TECPR1: variants seen among roughly 807,000 people sequenced by gnomAD.
TECPR1 encodes the protein tectonin beta-propeller repeat containing 1.
A neutral mutation model predicts 162.4 loss-of-function variants in TECPR1; 122 were observed. The observed-to-expected ratio is 0.75, with a 90% CI of 0.65 to 0.87. The LOEUF (loss-of-function observed/expected upper bound fraction) is 0.87. Ranked by LOEUF, TECPR1 falls within the 40% of genes least tolerant of loss-of-function variation. The probability of loss-of-function intolerance (pLI) is 0.00; values close to 1 mark genes in which losing one functional copy is unlikely to be tolerated. For synonymous variants in TECPR1, 642 were observed against 670.6 expected, an observed-to-expected ratio of 0.96 and a Z score of 0.66; for missense variants, 1,432 against 1,618.2, an observed-to-expected ratio of 0.88 and a Z score of 1.97.
chr7:98,243,675 C>A, intron 5 of TECPR1, 83 bp from the exon 6 acceptor site: 1 of 1,502,162 alleles, frequency 6.7e-7, no homozygotes, highest in East Asian at 2.3e-5. Context: ...CGCCTGCCAT[C>A]CGGACTTCCA....
Position 98,246,068 on chromosome 7 carries a change from T to C in TECPR1, c.79A>G (p.Met27Val). The change falls in exon 3 of 26, where the codon ATG (methionine) becomes GTG (valine). Residue 27 changes from methionine to valine, a missense_variant. Physicochemically the swap from Met to Val is conservative, Grantham distance 21 (BLOSUM62 1). Transcript: ENST00000447648. ...TLSTAGQYWE[M>V]CKDSQLEFKR... Reference sequence around the variant, plus strand: ...AACTCCAGCTGGGAGTCCTTGCACATTTCCCAGTACTGGCCTGCTGTGGAC... The same window carrying C: ...AACTCCAGCTGGGAGTCCTTGCACACTTCCCAGTACTGGCCTGCTGTGGAC... 2 of 1,570,360 alleles carry C rather than the reference T, an allele frequency of 1.3e-6. No homozygotes were observed. The highest frequency in any genetic ancestry group is 2.3e-5 in the South Asian group (2 of 85,516).
intron 19 of TECPR1, among the ~76,000 whole-genome samples, chr7:98,224,461 C>T (rs1168165532): frequency 6.6e-6 from 1 of 152,224 alleles, no homozygotes; most frequent in African/African-American, 2.4e-5. Context: ...CTCCTCAAGC[C>T]CCTCAGTCTG....
intron 23 of TECPR1, among the ~76,000 whole-genome samples, chr7:98,221,363 G>C (rs892016786): frequency 6.6e-6 from 1 of 152,118 alleles, no homozygotes; most frequent in African/African-American, 2.4e-5. Context: ...GTAACATAAA[G>C]GCTTGAGGAG....
intron 21 of TECPR1, 79 bp downstream of exon 21, chr7:98,222,911 C>A: frequency 6.4e-7 from 1 of 1,559,028 alleles, no homozygotes; most frequent in Admixed American, 1.8e-5. Flanking sequence ...GGGGCTTGTC[C>A]TGAGCAGGGT....
At chr7:98,243,840 C>T (rs575108630) in intron 5 of TECPR1, among the ~76,000 whole-genome samples, 4 of 152,338 alleles carry the variant, frequency 2.6e-5, no homozygotes, top group South Asian at 2.1e-4. Context: ...AAGTGATCCA[C>T]CTGCCTTGGC....
rs1584316412 is a variant in TECPR1 at position 98,216,943 on chromosome 7, C to T, written c.*447G>A. ...GGTCACTGCACATGGTAAAGAGGCC[C>T]TGAGCCCCATGGCCATCTCTCTTGG... On this transcript the variant is annotated 3_prime_UTR_variant, in exon 26 of 26. Transcript: ENST00000447648. The T allele has an allele frequency of 5.9e-6, 1 of 168,746 alleles. No individual in the cohort carries two copies. Among genetic ancestry groups the T allele is most frequent in the African/African-American group, 2.4e-5 (1 of 41,848 alleles). 10.5% of individuals were successfully genotyped at this position (168,746 alleles called of 1,614,324 possible).
rs1208223081 is a variant in TECPR1 at position 98,217,927 on chromosome 7, C to T, written c.3264+9G>A. 2 of 1,551,482 alleles carry T rather than the reference C, an allele frequency of 1.3e-6. No homozygotes were observed. The highest frequency in any genetic ancestry group is 1.7e-6 in the Non-Finnish European group (2 of 1,147,324). ...CCCCAAGTGCCCGATACCCCCTGAG[C>T]ACCCCCACCTGGTCCAGGGGCCCCA... On this transcript the variant is annotated intron_variant, in intron 24 of 25. Transcript: ENST00000447648.
intron 19 of TECPR1, 128 bp downstream of exon 19, chr7:98,224,673 G>C: frequency 1.1e-6 from 1 of 889,194 alleles, no homozygotes; most frequent in Non-Finnish European, 1.7e-6. Flanking sequence ...TGGCACCAGG[G>C]GTCTGCTCCT....
intron 6 of TECPR1, 23 bp downstream of exon 6, chr7:98,243,444 G>A (rs1798821721): frequency 1.2e-6 from 2 of 1,610,980 alleles, no homozygotes. Context: ...GGGAGCCAGG[G>A]CAGGGAGAGG....
At chr7:98,243,652 C>A in intron 5 of TECPR1, 60 bp from the exon 6 acceptor site, 2 of 1,561,970 alleles carry the variant, frequency 1.3e-6, no homozygotes, top group South Asian at 2.3e-5. Context: ...TGGGCATGCA[C>A]CCACCTCCCG....
intron 23 of TECPR1, among the ~76,000 whole-genome samples, chr7:98,219,828 G>T (rs1798100047): frequency 6.6e-6 from 1 of 151,952 alleles, no homozygotes; most frequent in Non-Finnish European, 1.5e-5. Context: ...TTGAACCTGG[G>T]AGGCAGAGGT....
chr7:98,220,897 G>A (rs990266928), intron 23 of TECPR1, among the ~76,000 whole-genome samples: 1 of 147,180 alleles, frequency 6.8e-6, no homozygotes, highest in Non-Finnish European at 1.5e-5. Context: ...CACTAAGTTG[G>A]CCAGGCTGGT....
At position 98,224,798 on chromosome 7, in the gene TECPR1, T is replaced by C. The variant is rs1192311108; in HGVS notation, c.2690+3A>G. 4 of 1,579,266 alleles carry C rather than the reference T, an allele frequency of 2.5e-6. No homozygotes were observed. The highest frequency in any genetic ancestry group is 4.7e-5 in the East Asian group (2 of 42,968). The stretch of plus-strand genomic sequence containing the variant: ...CGAAGGCCCTGTGCAGGGAGAGGCT[T>C]ACGCAGGGAAGTCGCTGGCATACTG... On this transcript the variant is annotated splice_donor_region_variant and intron_variant, in intron 19 of 25. Transcript: ENST00000447648.
At chr7:98,224,546 G>A (rs1463892103) in intron 19 of TECPR1, among the ~76,000 whole-genome samples, 1 of 152,196 alleles carries the variant, frequency 6.6e-6, no homozygotes, top group Non-Finnish European at 1.5e-5. Context: ...GCGTGGGGGA[G>A]CCATGGTGCT....
At position 98,246,044 on chromosome 7, in the gene TECPR1, A is replaced by T; in HGVS notation, c.103T>A (p.Phe35Ile). The T allele has an allele frequency of 1.3e-6, 2 of 1,582,716 alleles. No individual in the cohort carries two copies. Residue 35 changes from phenylalanine to isoleucine, a missense_variant, in exon 3 of 26, where the codon TTC (phenylalanine) becomes ATC (isoleucine). Phe to Ile is a conservative substitution (Grantham distance 21). Transcript: ENST00000447648. ...WEMCKDSQLE[F>I]KRVSATTQCC... ...TGCGTGGTGGCGCTGACGCGCTTGA[A>T]CTCCAGCTGGGAGTCCTTGCACATT...
rs1044443525 is a variant in TECPR1 at position 98,232,808 on chromosome 7, C to T, written c.1818+19G>A. The T allele has an allele frequency of 3.2e-6, 5 of 1,539,138 alleles. No individual in the cohort carries two copies. Among genetic ancestry groups the T allele is most frequent in the Non-Finnish European group, 3.5e-6 (4 of 1,147,084 alleles). On this transcript the variant is annotated intron_variant, in intron 12 of 25. Coordinates refer to ENST00000447648, the MANE Select transcript of TECPR1 (RefSeq NM_015395.3). The surrounding 1 kb of genome is among the most constrained non-coding windows in gnomAD (Gnocchi z 4.6). Reference sequence around the variant, plus strand: ...TGGAAAAAAAAAAAAAATGCATGCGCAGCCACCGGGGCACCCACCTGCTCC... The same window carrying T: ...TGGAAAAAAAAAAAAAATGCATGCGTAGCCACCGGGGCACCCACCTGCTCC...
Position 98,236,891 on chromosome 7 carries a change from C to T in TECPR1, c.1066G>A (p.Val356Met), listed in dbSNP as rs758181757. The change falls in exon 10 of 26, where the codon GTG (valine) becomes ATG (methionine). Residue 356 changes from valine (V) to methionine (M), a missense_variant. By Grantham distance (21) the Val-to-Met change is conservative (BLOSUM62 1). Transcript: ENST00000447648. The part of the protein sequence containing the change: ...VWGIGCEDRA[V>M]YFRQGVTPSE... ...GGGGTGACACCCTGCCGGAAGTACA[C>T]GGCTCGGTCCTCACAGCCAATGCCC... 46 of 1,573,708 alleles carry T rather than the reference C, an allele frequency of 2.9e-5. No individual in the cohort carries two copies. The Middle Eastern group carries it at 5.0e-4, about 17-fold the overall frequency.
rs945932196 is a variant in TECPR1, at chr7:98,214,846, C to G, written c.*2544G>C. 1.3e-5 allele frequency: 2 copies of G among 152,424 alleles called. No individual in the cohort carries two copies. Among genetic ancestry groups the G allele is most frequent in the African/African-American group, 2.4e-5 (1 of 41,454 alleles). 9.4% of individuals were successfully genotyped at this position (152,424 alleles called of 1,614,324 possible). On this transcript the variant is annotated 3_prime_UTR_variant, in exon 26 of 26. Transcript: ENST00000447648. ...CTGCCCTGAACTGGCACCTGCACCT[C>G]CTCTGCTTCCTAGAGGGTGACCTGG...
intron 2 of TECPR1, chr7:98,250,838 ACT>A (rs942482970): frequency 4.0e-5 from 6 of 149,400 alleles, no homozygotes; most frequent in African/African-American, 1.5e-4. Context: ...ATGGGAGAAG[ACT>A]CTGCTACAGT....
Sources: gnomAD v4.1 joint callset for allele counts (sites outside exome capture counted in the v4.1 genomes callset) on GRCh38, gnomAD v4.1.1 for gene constraint, Gnocchi (gnomAD v3.1) non-coding constraint, MANE v1.5 for transcripts, NCBI Gene and HGNC (gene_info 2026-07-23, HGNC 2026-07-21) for gene names.